PDE4B: variants seen among roughly 807,000 people sequenced by gnomAD.
The protein encoded by PDE4B is phosphodiesterase 4B, also known as 3',5'-cyclic-AMP phosphodiesterase 4B.
Under a neutral mutation model 82.2 loss-of-function variants are expected in PDE4B, and 20 were observed. The observed-to-expected ratio is 0.24, with a 90% CI of 0.17 to 0.35. PDE4B has a LOEUF of 0.35. Ranked by LOEUF, PDE4B falls within the 10% of genes least tolerant of loss-of-function variation. PDE4B has a pLI of 1.00. For missense variants in PDE4B, 655 were observed against 907.2 expected (o/e 0.72, Z 3.57); for synonymous variants, 320 against 318.9 (o/e 1.00, Z -0.04).
chr1:66,092,213 G>A (rs1464660003), intron 3 of PDE4B, among the ~76,000 whole-genome samples: 1 of 152,008 alleles, frequency 6.6e-6, no homozygotes, highest in African/African-American at 2.4e-5. Flanking sequence ...TTAGAGTACA[G>A]TAAGTCCTCA....
chr1:65,999,507 C>T lies in PDE4B; in HGVS notation c.281+80672C>T, dbSNP rs551019655. Among the ~76,000 whole-genome samples the T allele has an allele frequency of 7.2e-5, 11 of 152,280 alleles. No individual in the cohort carries two copies. In the East Asian group the frequency reaches 9.7e-4, roughly 13 times the overall value. ...GAAGAAAAGTACCTGGATGTTAACA[C>T]GGTTTCTCCTTATGTCCATTCAGGA... On this transcript the variant is annotated intron_variant, in intron 3 of 16. Transcript: ENST00000341517.
chr1:66,108,364 G>A (rs966969873), intron 3 of PDE4B, among the ~76,000 whole-genome samples: 9 of 151,820 alleles, frequency 5.9e-5, no homozygotes, highest in African/African-American at 2.2e-4. Context: ...GAAAACATAG[G>A]GGAAAAGCTT....
chr1:66,246,515 G>A (rs985649046), intron 3 of PDE4B, among the ~76,000 whole-genome samples: 3 of 152,182 alleles, frequency 2.0e-5, no homozygotes, highest in Non-Finnish European at 1.5e-5. Flanking sequence ...AAATACTAGG[G>A]AAGAGGATTA....
chr1:66,049,862 A>C (rs562645587), intron 3 of PDE4B, among the ~76,000 whole-genome samples: 1 of 152,042 alleles, frequency 6.6e-6, no homozygotes, highest in African/African-American at 2.4e-5. Context: ...ATAAATACGA[A>C]TTGGATCCCG....
At chr1:66,288,289 G>A (rs536827572) in intron 7 of PDE4B, among the ~76,000 whole-genome samples, 29 of 152,032 alleles carry the variant, frequency 1.9e-4, no homozygotes, top group Non-Finnish European at 4.0e-4. Context: ...ACACCACCAA[G>A]GGAATGGTGC....
intron 3 of PDE4B, among the ~76,000 whole-genome samples, chr1:66,190,017 G>A (rs1008719841): frequency 3.3e-5 from 5 of 152,116 alleles, no homozygotes; most frequent in African/African-American, 9.7e-5. Context: ...GTTTTGGTGT[G>A]GATGTCCTTT....
At chr1:66,034,327 A>C (rs977450096) in intron 3 of PDE4B, among the ~76,000 whole-genome samples, 4 of 152,228 alleles carry the variant, frequency 2.6e-5, no homozygotes, top group Non-Finnish European at 5.9e-5. Context: ...CACATTTTAC[A>C]GGAGAGGTTT....
intron 7 of PDE4B, among the ~76,000 whole-genome samples, chr1:66,288,051 A>T (rs1220064202): frequency 6.6e-6 from 1 of 152,092 alleles, no homozygotes; most frequent in Non-Finnish European, 1.5e-5. Context: ...GGTAATTTAT[A>T]AAGAAAAGAG....
At chr1:65,927,848 G>T (rs556378542) in intron 3 of PDE4B, among the ~76,000 whole-genome samples, 166 of 152,252 alleles carry the variant, frequency 1.1e-3, no homozygotes, top group African/African-American at 3.9e-3. Flanking sequence ...GGTTCTGCCA[G>T]TTGCTAAGAA....
chr1:66,280,001 C>T (rs995098375), intron 7 of PDE4B, among the ~76,000 whole-genome samples: 1 of 152,176 alleles, frequency 6.6e-6, no homozygotes, highest in South Asian at 2.1e-4. Flanking sequence ...CAAGTCAGCA[C>T]ATACAACTAA....
At chr1:66,201,619 T>A (rs1470332933) in intron 3 of PDE4B, among the ~76,000 whole-genome samples, 2 of 151,048 alleles carry the variant, frequency 1.3e-5, no homozygotes, top group South Asian at 2.1e-4. Context: ...CTAGATTTTC[T>A]AGTTTATTTG....
intron 1 of PDE4B, among the ~76,000 whole-genome samples, chr1:65,796,646 CTTTTT>C (rs71058429): frequency 2.6e-5 from 2 of 76,332 alleles, no homozygotes; most frequent in Non-Finnish European, 4.8e-5. Context: ...CTTGCTGAAA[CTTTTT>C]TTTTTTTTTT....
At chr1:66,170,511 T>A (rs1646817768) in intron 3 of PDE4B, among the ~76,000 whole-genome samples, 1 of 152,176 alleles carries the variant, frequency 6.6e-6, no homozygotes, top group Non-Finnish European at 1.5e-5. Context: ...AATTTAAATA[T>A]GACTATTTTA....
intron 1 of PDE4B, among the ~76,000 whole-genome samples, chr1:65,843,962 T>C (rs1177683138): frequency 6.6e-6 from 1 of 152,180 alleles, no homozygotes; most frequent in Non-Finnish European, 1.5e-5. Flanking sequence ...ATAAAGCTTA[T>C]ATGAGTGGAT....
intron 1 of PDE4B, among the ~76,000 whole-genome samples, chr1:65,906,289 ATCCTAAACC>A (rs1647027084): frequency 6.6e-6 from 1 of 152,120 alleles, no homozygotes; most frequent in Non-Finnish European, 1.5e-5. Flanking sequence ...TCTCTAATCC[ATCCTAAACC>A]TCCACTAATG....
intron 7 of PDE4B, among the ~76,000 whole-genome samples, chr1:66,279,736 C>T (rs926333660): frequency 1.3e-5 from 2 of 152,254 alleles, no homozygotes; most frequent in East Asian, 1.9e-4. Context: ...TAGTGGTTGA[C>T]AAGCTTGAAA....
chr1:66,072,058 C>T (rs1656182055), intron 3 of PDE4B, among the ~76,000 whole-genome samples: 2 of 152,092 alleles, frequency 1.3e-5, no homozygotes, highest in South Asian at 2.1e-4. Flanking sequence ...CCTACACCTT[C>T]ATCTCTCTTA....
intron 3 of PDE4B, among the ~76,000 whole-genome samples, chr1:66,077,096 A>C (rs1244152661): frequency 2.6e-5 from 4 of 152,076 alleles, no homozygotes; most frequent in African/African-American, 9.7e-5. Flanking sequence ...CAAGGCCAAC[A>C]TCAAGAAGGG....
chr1:66,284,598 T>C (rs761110080), intron 7 of PDE4B, among the ~76,000 whole-genome samples: 1 of 152,066 alleles, frequency 6.6e-6, no homozygotes, highest in African/African-American at 2.4e-5. Context: ...TTTGAAGCTG[T>C]AGTGCACCAA....
Sources: allele counts gnomAD v4.1 joint callset (sites outside exome capture counted in the v4.1 genomes callset), GRCh38; gene constraint gnomAD v4.1.1; transcripts MANE v1.5; gene names NCBI Gene and HGNC (gene_info 2026-07-23, HGNC 2026-07-21).